The following PLXNA4 variants were observed in gnomAD, a reference collection of about 807,000 sequenced individuals.
PLXNA4 encodes plexin A4, also known as plexin-A4.
A neutral mutation model predicts 191.8 loss-of-function variants in PLXNA4; 44 were observed. The observed-to-expected ratio is 0.23, with a 90% CI of 0.18 to 0.29. The LOEUF is 0.29. PLXNA4 is among the 10% of genes least tolerant of loss of function. The pLI is 1.00. For missense variants in PLXNA4, 1,800 were observed against 2,488.8 expected (o/e 0.72, Z 5.89); for synonymous variants, 1,082 against 1,009.5 (o/e 1.07, Z -1.36).
At chr7:132,575,902 C>T (rs1225979417) in intron 1 of PLXNA4, among the ~76,000 whole-genome samples, 4 of 152,120 alleles carry the variant, frequency 2.6e-5, no homozygotes, top group Non-Finnish European at 5.9e-5. Flanking sequence ...CGCTGGGCCA[C>T]CACTCTCTCC....
chr7:132,351,467 C>T (rs1306516377), intron 3 of PLXNA4, among the ~76,000 whole-genome samples: 1 of 152,284 alleles, frequency 6.6e-6, no homozygotes, highest in Non-Finnish European at 1.5e-5. Context: ...CCATGGCTGG[C>T]CACCCCGTCA....
At position 132,146,720 on chromosome 7, in the gene PLXNA4, C is replaced by A. The variant is rs1795446098; in HGVS notation, c.4865-20G>T. The stretch of plus-strand genomic sequence containing the variant: ...TGTTTTCTGCCAAGGCAAGGATCAC[C>A]CCCCGACATATGTGAGGCCACACAG... On this transcript the variant is annotated intron_variant, in intron 27 of 31. Transcript: ENST00000321063. The A allele has an allele frequency of 1.2e-6, 2 of 1,612,846 alleles. No homozygotes were observed. The highest frequency in any genetic ancestry group is 1.7e-6 in the Non-Finnish European group (2 of 1,179,090).
chr7:132,544,853 G>GAAATAAAAT (rs1800227508), intron 1 of PLXNA4, among the ~76,000 whole-genome samples: 2 of 152,216 alleles, frequency 1.3e-5, no homozygotes, highest in Admixed American at 1.3e-4. Flanking sequence ...TCTTGGAGAT[G>GAAATAAAAT]AAATAAAATA....
At chr7:132,647,314 C>T (rs1319605089) in intron 1 of PLXNA4, among the ~76,000 whole-genome samples, 1 of 151,872 alleles carries the variant, frequency 6.6e-6, no homozygotes. Context: ...TTCACAAACA[C>T]CCACATGCTA....
chr7:132,449,853 C>T (rs1463155765), intron 3 of PLXNA4, among the ~76,000 whole-genome samples: 2 of 152,238 alleles, frequency 1.3e-5, no homozygotes, highest in African/African-American at 4.8e-5. Flanking sequence ...CTTGGGGGAA[C>T]CAAGACCTCT....
intron 2 of PLXNA4, among the ~76,000 whole-genome samples, chr7:132,584,044 T>C (rs1230177077): frequency 6.6e-6 from 1 of 152,136 alleles, no homozygotes; most frequent in Non-Finnish European, 1.5e-5. Flanking sequence ...GGAGAGCTGG[T>C]TGTTAAACAC....
At chr7:132,220,543 G>A (rs1439612266) in intron 9 of PLXNA4, among the ~76,000 whole-genome samples, 1 of 152,108 alleles carries the variant, frequency 6.6e-6, no homozygotes, top group Non-Finnish European at 1.5e-5. Context: ...TATGGCTCAT[G>A]GGAAATGGAG....
At chr7:132,284,377 A>G (rs1800603930) in intron 4 of PLXNA4, among the ~76,000 whole-genome samples, 1 of 152,248 alleles carries the variant, frequency 6.6e-6, no homozygotes, top group Non-Finnish European at 1.5e-5. Context: ...TACACGTGTC[A>G]TGCTTCATGT....
intron 3 of PLXNA4, among the ~76,000 whole-genome samples, chr7:132,365,328 C>CGT (rs3057957): frequency 0.074 from 10,548 of 142,892 alleles, 424 homozygotes; most frequent in Middle Eastern, 0.12. Flanking sequence ...CTACGGCCCG[C>CGT]GTGTGTGTGT....
intron 1 of PLXNA4, among the ~76,000 whole-genome samples, chr7:132,535,690 T>C (rs1163811933): frequency 6.6e-6 from 1 of 151,994 alleles, no homozygotes; most frequent in Non-Finnish European, 1.5e-5. Context: ...GGTCCTTTTG[T>C]TCCCAGGCTC....
At chr7:132,227,336 T>C (rs1798360312) in intron 7 of PLXNA4, 115 bp downstream of exon 7, 2 of 1,404,542 alleles carry the variant, frequency 1.4e-6, no homozygotes, top group Non-Finnish European at 9.7e-7. Context: ...CCATGCCCCT[T>C]CCTCTGACTC....
At chr7:132,487,612 T>C (rs1390964034) in intron 3 of PLXNA4, among the ~76,000 whole-genome samples, 2 of 152,156 alleles carry the variant, frequency 1.3e-5, no homozygotes, top group East Asian at 1.9e-4. Flanking sequence ...GGCTATCTGG[T>C]TTCCTAGCCC....
intron 4 of PLXNA4, among the ~76,000 whole-genome samples, chr7:132,285,512 A>T (rs928218319): frequency 6.6e-6 from 1 of 152,168 alleles, no homozygotes; most frequent in African/African-American, 2.4e-5. Context: ...TTTCAAATTG[A>T]TGTCTCCATT....
chr7:132,309,564 G>C (rs1405392666), intron 3 of PLXNA4, among the ~76,000 whole-genome samples: 1 of 152,088 alleles, frequency 6.6e-6, no homozygotes, highest in African/African-American at 2.4e-5. Flanking sequence ...AGTGACAAAG[G>C]GGTTAATGCC....
chr7:132,154,580 C>T (rs1000737166), intron 25 of PLXNA4, among the ~76,000 whole-genome samples: 4 of 152,072 alleles, frequency 2.6e-5, no homozygotes, highest in Non-Finnish European at 2.9e-5. Context: ...GCCTAGAGAG[C>T]GAAAGGCAAA....
chr7:132,428,706 G>A (rs935956153), intron 3 of PLXNA4, among the ~76,000 whole-genome samples: 2 of 151,978 alleles, frequency 1.3e-5, no homozygotes, highest in African/African-American at 2.4e-5. Flanking sequence ...TCCATCAGAC[G>A]GCCAAGCTCT....
intron 5 of PLXNA4, among the ~76,000 whole-genome samples, chr7:132,229,804 G>C (rs371397637): frequency 1.8e-4 from 28 of 152,070 alleles, no homozygotes; most frequent in African/African-American, 6.8e-4. Context: ...GGTGTGGTGT[G>C]GGGCAAGGAG....
chr7:132,606,707 A>G (rs750368787), intron 2 of PLXNA4, among the ~76,000 whole-genome samples: 1 of 152,214 alleles, frequency 6.6e-6, no homozygotes, highest in Non-Finnish European at 1.5e-5. Flanking sequence ...GGCTGGGCAC[A>G]GTTTTACACG....
At chr7:132,201,501 G>A (rs946887059) in intron 12 of PLXNA4, among the ~76,000 whole-genome samples, 6 of 152,158 alleles carry the variant, frequency 3.9e-5, no homozygotes, top group Admixed American at 2.0e-4. Flanking sequence ...GTACCAGTTC[G>A]TCCTCACTGT....
Sources: allele counts gnomAD v4.1 joint callset (sites outside exome capture counted in the v4.1 genomes callset), GRCh38; gene constraint gnomAD v4.1.1; transcripts MANE v1.5; gene names NCBI Gene and HGNC (gene_info 2026-07-23, HGNC 2026-07-21).